RGS3: variants seen among roughly 807,000 people sequenced by gnomAD.
RGS3 encodes the protein regulator of G protein signaling 3.
A neutral mutation model predicts 132.6 loss-of-function variants in RGS3; 80 were observed. The observed-to-expected ratio is 0.60, with a 90% CI of 0.50 to 0.73. The LOEUF (loss-of-function observed/expected upper bound fraction) is 0.73, where lower values mean the gene tolerates loss of function less well. RGS3 is among the 30% of genes least tolerant of loss of function. The pLI, the probability that RGS3 is intolerant of heterozygous loss-of-function variation, is 0.00. For synonymous variants in RGS3, 598 were observed against 620.6 expected, an observed-to-expected ratio of 0.96 and a Z score of 0.54; for missense variants, 1,382 against 1,530.8, an observed-to-expected ratio of 0.90 and a Z score of 1.62.
intron 16 of RGS3, among the ~76,000 whole-genome samples, chr9:113,520,924 G>A (rs1410281293): frequency 1.3e-5 from 2 of 152,002 alleles, no homozygotes; most frequent in East Asian, 3.8e-4. Context: ...AAGCACATTG[G>A]TATCTCTCTG....
chr9:113,476,162 A>G (rs1473618519), intron 3 of RGS3, among the ~76,000 whole-genome samples: 1 of 151,892 alleles, frequency 6.6e-6, no homozygotes, highest in Non-Finnish European at 1.5e-5. Flanking sequence ...GGTTCTCTCT[A>G]CCTCTGAATC....
chr9:113,567,503 T>A (rs1834066593), intron 19 of RGS3, among the ~76,000 whole-genome samples: 1 of 152,166 alleles, frequency 6.6e-6, no homozygotes, highest in Non-Finnish European at 1.5e-5. Context: ...TGTCCGCCCA[T>A]CTCCTAGCTC....
At chr9:113,581,693 A>T (rs1367614702) in intron 19 of RGS3, 1 of 152,196 alleles carries the variant, frequency 6.6e-6, no homozygotes, top group Admixed American at 6.5e-5. Flanking sequence ...CCTCTGTGTG[A>T]TTCTAGGTTG....
At chr9:113,576,457 G>C (rs1161622869) in intron 19 of RGS3, among the ~76,000 whole-genome samples, 3 of 150,508 alleles carry the variant, frequency 2.0e-5, no homozygotes, top group African/African-American at 7.3e-5. Flanking sequence ...TCAGCCTCCC[G>C]AGTAGCTAGG....
chr9:113,566,586 C>G (rs1052263977), intron 19 of RGS3, among the ~76,000 whole-genome samples: 8 of 152,208 alleles, frequency 5.3e-5, no homozygotes, highest in Admixed American at 3.9e-4. Context: ...GAACTTCTGC[C>G]TCCTAGAACA....
chr9:113,505,575 G>A, intron 11 of RGS3, 52 bp downstream of exon 9: 1 of 1,459,780 alleles, frequency 6.9e-7, no homozygotes, highest in Non-Finnish European at 9.6e-7. Context: ...ACACATGTGG[G>A]CTTTGCAAAC....
At chr9:113,505,442 A>G in exon 11 of RGS3, 2 of 1,614,000 alleles carry the variant, frequency 1.2e-6, no homozygotes, top group Non-Finnish European at 1.7e-6. Context: ...TGTGTCCTAG[A>G]TCACCATCCC....
chr9:113,514,718 C>A, intron 15 of RGS3, 64 bp downstream of exon 13: 1 of 1,532,184 alleles, frequency 6.5e-7, no homozygotes. Context: ...GGGCCCTTGC[C>A]CCAGGACTCA....
intron 10 of RGS3, among the ~76,000 whole-genome samples, chr9:113,502,090 T>G (rs1001094396): frequency 6.6e-6 from 1 of 152,176 alleles, no homozygotes; most frequent in South Asian, 2.1e-4. Context: ...AACTTTCCTC[T>G]CCCCTACTGC....
chr9:113,569,322 AG>A (rs1332663439), intron 19 of RGS3, among the ~76,000 whole-genome samples: 3 of 152,156 alleles, frequency 2.0e-5, no homozygotes, highest in Admixed American at 2.0e-4. Context: ...AGGCAGAGAA[AG>A]GTCTTGGCAG....
At position 113,485,862 on chromosome 9, in the gene RGS3, G is replaced by A. The variant is rs182465152; in HGVS notation, c.689+169G>A. Among the ~76,000 whole-genome samples, 34 of 152,316 alleles carry A rather than the reference G, an allele frequency of 2.2e-4. No individual in the cohort carries two copies. The East Asian group carries it at 5.0e-3, about 22-fold the overall frequency. On this transcript the variant is annotated intron_variant, in intron 7 of 24. Transcript: ENST00000350696. ...TCCTTGAGTCTCCATCATTCCAGGT[G>A]TTACCAAGGACTGTGTTATCAATGA...
At chr9:113,561,531 G>A (rs956414183) in intron 19 of RGS3, among the ~76,000 whole-genome samples, 1 of 150,984 alleles carries the variant, frequency 6.6e-6, no homozygotes, top group Non-Finnish European at 1.5e-5. Context: ...TCCCACTTCA[G>A]CCTCTTGAGT....
exon 16 of RGS3, chr9:113,517,597 G>A (rs908058864): frequency 1.6e-5 from 26 of 1,613,562 alleles, no homozygotes; most frequent in Admixed American, 6.7e-5. Context: ...AGCTGCTGCT[G>A]TATGAAGGGA....
intron 17 of RGS3, 67 bp downstream of exon 15, chr9:113,523,108 C>A: frequency 9.7e-7 from 1 of 1,036,208 alleles, no homozygotes; most frequent in Non-Finnish European, 1.5e-6. Context: ...TCTGGGCAGC[C>A]CTCTGGGATC....
At chr9:113,446,297 A>G (rs946698173) in intron 1 of RGS3, among the ~76,000 whole-genome samples, 3 of 152,262 alleles carry the variant, frequency 2.0e-5, no homozygotes, top group Admixed American at 2.0e-4. Flanking sequence ...TCTAATACAT[A>G]TTAGAGAATC....
intron 10 of RGS3, among the ~76,000 whole-genome samples, chr9:113,501,943 T>A (rs1830917809): frequency 6.6e-6 from 1 of 152,226 alleles, no homozygotes; most frequent in African/African-American, 2.4e-5. Flanking sequence ...GCTGAGCAGC[T>A]GGGAGCAGAG....
intron 15 of RGS3, among the ~76,000 whole-genome samples, chr9:113,516,221 C>T (rs1831652780): frequency 1.3e-5 from 2 of 152,230 alleles, no homozygotes; most frequent in Non-Finnish European, 2.9e-5. Context: ...GGATGCAACA[C>T]ATCTCTGGGA....
intron 18 of RGS3, among the ~76,000 whole-genome samples, chr9:113,534,589 G>T (rs1251064753): frequency 6.6e-6 from 1 of 150,612 alleles, no homozygotes; most frequent in Non-Finnish European, 1.5e-5. Context: ...AAAGAAATCT[G>T]TACATATGTA....
chr9:113,520,205 C>T (rs1831873795), intron 16 of RGS3, among the ~76,000 whole-genome samples: 1 of 152,226 alleles, frequency 6.6e-6, no homozygotes, highest in Non-Finnish European at 1.5e-5. Context: ...TGGAAGGCGA[C>T]AGGTGATTGG....
Sources: gnomAD v4.1 joint callset for allele counts (sites outside exome capture counted in the v4.1 genomes callset) on GRCh38, gnomAD v4.1.1 for gene constraint, MANE v1.5 for transcripts, NCBI Gene and HGNC (gene_info 2026-07-23, HGNC 2026-07-21) for gene names.